The following TENM1 variants were observed in gnomAD, a reference collection of about 807,000 sequenced individuals.
The protein encoded by TENM1 is teneurin-1.
In TENM1, 35 loss-of-function variants were observed where a neutral mutation model predicts 174.8. That is an observed-to-expected ratio of 0.20 (90% CI 0.15 to 0.27). TENM1 has a LOEUF of 0.27. TENM1 is among the 10% of genes least tolerant of loss of function. The probability of loss-of-function intolerance (pLI) is 1.00; values close to 1 mark genes in which losing one functional copy is unlikely to be tolerated. For synonymous variants in TENM1, 781 were observed against 798.7 expected, an observed-to-expected ratio of 0.98 and a Z score of 0.37; for missense variants, 1,633 against 2,130.1, an observed-to-expected ratio of 0.77 and a Z score of 4.59.
chrX:124,712,278 CA>C (rs1425100390), intron 4 of TENM1, among the ~76,000 whole-genome samples: 1 of 110,980 alleles, frequency 9.0e-6, no homozygotes, highest in African/African-American at 3.3e-5. Context: ...TACCGTTTTC[CA>C]TAGCGGTTTC....
At chrX:124,725,497 T>C (rs960224104) in intron 4 of TENM1, among the ~76,000 whole-genome samples, 1 of 112,285 alleles carries the variant, frequency 8.9e-6, no homozygotes, top group Non-Finnish European at 1.9e-5. Context: ...GAAGCAGATG[T>C]TACTGTTTAT....
chrX:125,067,112 G>A, the TENM1 span, among the ~76,000 whole-genome samples: 2 of 111,064 alleles, frequency 1.8e-5, no homozygotes, highest in East Asian at 2.8e-4. Context: ...TTTTTTCTGC[G>A]TAACAGAGGT....
At position 124,639,641 on chromosome X, in the gene TENM1, C is replaced by T. The variant is rs147533826; in HGVS notation, c.2077+2150G>A. On this transcript the variant is annotated intron_variant, in intron 11 of 31. Transcript: ENST00000422452. Reference sequence around the variant, plus strand: ...TCACCTCTCAGTGCCTTGGTTTCCTCATCTGTAAAGTAAGCATGATTATCA... The same window carrying T: ...TCACCTCTCAGTGCCTTGGTTTCCTTATCTGTAAAGTAAGCATGATTATCA... Among the ~76,000 whole-genome samples the T allele has an allele frequency of 1.0e-2, 1,109 of 111,369 alleles. 13 individuals are homozygous for T. The highest frequency in any genetic ancestry group is 0.034 in the African/African-American group (1,055 of 30,636).
At chrX:125,055,964 C>A in the TENM1 span, among the ~76,000 whole-genome samples, 3 of 111,690 alleles carry the variant, frequency 2.7e-5, no homozygotes, top group Admixed American at 1.9e-4. Context: ...AATCAAGTTT[C>A]ACTTCTTATT....
the TENM1 span, among the ~76,000 whole-genome samples, chrX:125,062,651 A>T: frequency 1.4e-4 from 16 of 112,309 alleles, no homozygotes; most frequent in Admixed American, 1.3e-3. Context: ...AGAAATAATA[A>T]CAGAATCCTT....
At chrX:125,202,251 C>T in the TENM1 span, among the ~76,000 whole-genome samples, 1 of 111,800 alleles carries the variant, frequency 8.9e-6, no homozygotes, top group African/African-American at 3.3e-5. Context: ...TGTTACCTGG[C>T]TTGTTAATTA....
the TENM1 span, among the ~76,000 whole-genome samples, chrX:125,080,613 C>A: frequency 2.7e-5 from 3 of 111,087 alleles, no homozygotes; most frequent in African/African-American, 6.5e-5. Context: ...AATATAAAAT[C>A]ATATATTCCT....
chrX:124,994,929 G>T, the TENM1 span, among the ~76,000 whole-genome samples: 1 of 110,785 alleles, frequency 9.0e-6, no homozygotes, highest in African/African-American at 3.3e-5. Flanking sequence ...TAGGATAAAG[G>T]GCAAACTCTT....
At chrX:124,405,077 T>G (rs1444589389) in exon 27 of TENM1, 2 of 1,209,840 alleles carry the variant, frequency 1.7e-6, no homozygotes, top group Non-Finnish European at 2.2e-6. Context: ...GTTTTGCTCC[T>G]TCCTCTGCCG....
chrX:124,408,069 A>T (rs1330721532), intron 25 of TENM1, among the ~76,000 whole-genome samples: 1 of 111,748 alleles, frequency 8.9e-6, no homozygotes, highest in African/African-American at 3.3e-5. Context: ...TCGAATACCC[A>T]CTTTAGCCCC....
chrX:124,784,610 G>A (rs1190400260), intron 3 of TENM1, among the ~76,000 whole-genome samples: 2 of 111,421 alleles, frequency 1.8e-5, no homozygotes, highest in Admixed American at 9.6e-5. Context: ...TACTCTGGCA[G>A]CTGGCCCCTG....
chrX:124,895,422 T>C (rs16310), intron 2 of TENM1, among the ~76,000 whole-genome samples: 4,233 of 111,760 alleles, frequency 0.038, 181 homozygotes, highest in African/African-American at 0.13. Flanking sequence ...TATATGATTA[T>C]GACATAATGA....
At chrX:124,848,890 T>C (rs2056663524) in intron 3 of TENM1, among the ~76,000 whole-genome samples, 1 of 111,664 alleles carries the variant, frequency 9.0e-6, no homozygotes, top group African/African-American at 3.2e-5. Flanking sequence ...ACTATCATCC[T>C]TGAGCACCTC....
Position 124,914,835 on chromosome X carries a change from C to T in TENM1, c.218-18594G>A, listed in dbSNP as rs889292060. 8.0e-5 allele frequency among the ~76,000 whole-genome samples: 9 copies of T among 111,954 alleles called. No homozygotes were observed. The South Asian group carries it at 3.4e-3, about 42-fold the overall frequency. The stretch of plus-strand genomic sequence containing the variant: ...ATGCTACCAGACAGAATGCTAAAAA[C>T]TAATCACATCACCTCCCTTCAGTAT... On this transcript the variant is annotated intron_variant, in intron 1 of 31. Coordinates refer to ENST00000422452, the Ensembl canonical transcript of TENM1.
At chrX:124,675,228 A>T (rs1446467021) in intron 5 of TENM1, among the ~76,000 whole-genome samples, 2 of 111,980 alleles carry the variant, frequency 1.8e-5, no homozygotes, top group Non-Finnish European at 3.8e-5. Flanking sequence ...TATTTGCTAC[A>T]GACCACAGAC....
chrX:125,057,232 A>G, the TENM1 span, among the ~76,000 whole-genome samples: 1 of 111,662 alleles, frequency 9.0e-6, no homozygotes, highest in Admixed American at 9.6e-5. Context: ...AATTTCAAGA[A>G]ATACACATAA....
the TENM1 span, among the ~76,000 whole-genome samples, chrX:125,029,041 A>T: frequency 2.7e-5 from 3 of 111,748 alleles, no homozygotes; most frequent in Non-Finnish European, 5.6e-5. Flanking sequence ...ATTTCATTCA[A>T]TGTTACTGAA....
At chrX:125,171,754 G>A in the TENM1 span, among the ~76,000 whole-genome samples, 2 of 111,486 alleles carry the variant, frequency 1.8e-5, no homozygotes, top group South Asian at 3.7e-4. Context: ...CCAGAACTAT[G>A]AGAAATAAAT....
At chrX:124,872,783 C>T (rs2057133572) in intron 3 of TENM1, among the ~76,000 whole-genome samples, 1 of 111,811 alleles carries the variant, frequency 8.9e-6, no homozygotes, top group Admixed American at 9.5e-5. Flanking sequence ...AACAATACTT[C>T]CATGCCTTGC....
Sources: allele counts gnomAD v4.1 joint callset (sites outside exome capture counted in the v4.1 genomes callset), GRCh38; gene constraint gnomAD v4.1.1; transcripts MANE v1.5; gene names NCBI Gene and HGNC (gene_info 2026-07-23, HGNC 2026-07-21).